Variants in PRDM1 observed in about 807,000 individuals in gnomAD.
PRDM1 encodes the protein PR/SET domain 1, also known as PR domain zinc finger protein 1.
PRDM1 carries 13 observed loss-of-function variants against 62.8 expected under a neutral mutation model. The observed-to-expected ratio is 0.21, with a 90% CI of 0.13 to 0.33. The LOEUF is 0.33. PRDM1 is among the 10% of genes least tolerant of loss of function. PRDM1 has a pLI of 1.00. For missense variants in PRDM1, 895 were observed against 1,058.8 expected (o/e 0.85, Z 2.15); for synonymous variants, 396 against 417.6 (o/e 0.95, Z 0.63).
At chr6:106,104,206 T>G (rs927234234) in intron 4 of PRDM1, among the ~76,000 whole-genome samples, 12 of 60,908 alleles carry the variant, frequency 2.0e-4, no homozygotes, top group African/African-American at 7.0e-4. Context: ...AAAATGGAAG[T>G]TTTTTTTTTT....
intron 1 of PRDM1, among the ~76,000 whole-genome samples, chr6:106,026,403 C>T (rs749819983): frequency 3.9e-5 from 6 of 152,004 alleles, no homozygotes; most frequent in Non-Finnish European, 5.9e-5. Flanking sequence ...CGCTTGAACC[C>T]GGGAGGCAGA....
chr6:106,005,581 C>A (rs760093553), intron 1 of PRDM1, among the ~76,000 whole-genome samples: 3 of 152,128 alleles, frequency 2.0e-5, no homozygotes, highest in Non-Finnish European at 2.9e-5. Flanking sequence ...ACTTTCAATT[C>A]GAAACTTTGG....
At position 106,099,650 on chromosome 6, in the gene PRDM1, T is replaced by C. The variant is rs1582472143; in HGVS notation, c.664+98T>C. The C allele has an allele frequency of 4.7e-6, 7 of 1,488,912 alleles. No individual in the cohort carries two copies. In the African/African-American group the frequency reaches 8.4e-5, roughly 18 times the overall value. The allele number at this position is 1,488,912 out of a possible 1,614,324, so 92.2% of individuals were successfully genotyped here. On this transcript the variant is annotated intron_variant, in intron 4 of 6. Transcript: ENST00000369096. ...GTTGTTTAATTATACGGCTTTGTCA[T>C]GTGTTGGATGAAGTAGGTGGCTTAA...
intron 1 of PRDM1, among the ~76,000 whole-genome samples, chr6:106,019,632 C>CTT (rs1772668843): frequency 7.0e-6 from 1 of 143,528 alleles, no homozygotes; most frequent in African/African-American, 2.5e-5. Context: ...TAATTTTTTT[C>CTT]TTTTCTTTTT....
chr6:106,040,684 A>G (rs1380845211), intron 1 of PRDM1, among the ~76,000 whole-genome samples: 1 of 152,062 alleles, frequency 6.6e-6, no homozygotes, highest in Admixed American at 6.6e-5. Context: ...TACAAGAATT[A>G]TTATTAATTT....
chr6:106,073,770 T>A (rs985298788), intron 1 of PRDM1, among the ~76,000 whole-genome samples: 2 of 152,218 alleles, frequency 1.3e-5, no homozygotes, highest in Non-Finnish European at 2.9e-5. Context: ...GGCTATAGTA[T>A]TGACACAAAT....
upstream of PRDM1, among the ~76,000 whole-genome samples, chr6:106,084,253 C>T (rs561082001): frequency 2.0e-4 from 31 of 152,078 alleles, 1 homozygote; most frequent in Non-Finnish European, 4.4e-4. Context: ...AAGTTCTACC[C>T]GTGGCCTTGT....
In PRDM1 at chr6:105,994,956, A is replaced by G. The variant is rs763845083; in HGVS notation, c.-67+1317A>G. On this transcript the variant is annotated intron_variant, in intron 1 of 6. Coordinates refer to the PRDM1 transcript ENST00000652320. This position sits in a 1 kb window ranked among gnomAD's most constrained non-coding sequence, Gnocchi z 4.1. ...TGAGTTTTTTGGCGGAGACAGAGGAAAGCCTCTGGTCGAGAGGATTAGAGC... is the reference window on the plus strand; with the variant it reads ...TGAGTTTTTTGGCGGAGACAGAGGAGAGCCTCTGGTCGAGAGGATTAGAGC... Among the ~76,000 whole-genome samples, 1 of 152,192 alleles carries G rather than the reference A, an allele frequency of 6.6e-6. No individual in the cohort carries two copies. The highest frequency in any genetic ancestry group is 1.5e-5 in the Non-Finnish European group (1 of 68,020).
intron 1 of PRDM1, among the ~76,000 whole-genome samples, chr6:106,021,305 A>G (rs1772693916): frequency 6.6e-6 from 1 of 152,092 alleles, no homozygotes; most frequent in African/African-American, 2.4e-5. Flanking sequence ...TCTTATTCCA[A>G]TTTCAGTAAA....
chr6:106,045,499 C>T (rs1256385708), upstream of PRDM1: 1 of 152,176 alleles, frequency 6.6e-6, no homozygotes, highest in Non-Finnish European at 1.5e-5. Flanking sequence ...AATTATAGCA[C>T]AGATGATCAA....
Position 106,003,305 on chromosome 6 carries a change from G to A in PRDM1, c.-67+9666G>A, listed in dbSNP as rs138101278. 1.5e-3 allele frequency among the ~76,000 whole-genome samples: 235 copies of A among 152,304 alleles called. 5 individuals are homozygous for A. The highest frequency in any genetic ancestry group is 5.4e-3 in the African/African-American group (226 of 41,562). On this transcript the variant is annotated intron_variant, in intron 1 of 6. Transcript: ENST00000652320. Reference sequence around the variant, plus strand: ...GGCAGGTCATCAGATACTGACTACTGTGTGTCATGCTTCATACATTCAGGA... The same window carrying A: ...GGCAGGTCATCAGATACTGACTACTATGTGTCATGCTTCATACATTCAGGA...
rs755699644 is a variant in PRDM1 at position 106,099,492 on chromosome 6, C to A, written c.604C>A (p.Arg202=). ...ANQELLVWYC[R]DFAERLHYPY... ...CCAGGAACTTCTTGTGTGGTATTGT[C>A]GGGACTTTGCAGAAAGGCTTCACTA... Residue 202 remains arginine, a synonymous_variant, in exon 4 of 7, where the codon CGG becomes AGG. Coordinates refer to ENST00000369096, the MANE Select transcript of PRDM1 (RefSeq NM_001198.4). 1 of 1,614,106 alleles carries A rather than the reference C, an allele frequency of 6.2e-7. No homozygotes were observed. Among genetic ancestry groups the A allele is most frequent in the Non-Finnish European group, 8.5e-7 (1 of 1,180,010 alleles).
chr6:106,106,549 G>T lies in PRDM1; in HGVS notation c.1902+50G>T. The T allele has an allele frequency of 6.2e-7, 1 of 1,609,390 alleles. No individual in the cohort carries two copies. On this transcript the variant is annotated intron_variant, in intron 6 of 6. Transcript: ENST00000369096. This position sits in a 1 kb window ranked among gnomAD's most constrained non-coding sequence, Gnocchi z 4.4. ...CTTCTGACCTTTGTAGAAAATGTCT[G>T]TGAGTCACCCTCCCATGTCCTATAT...
chr6:106,040,134 T>G (rs1159948390), intron 1 of PRDM1, among the ~76,000 whole-genome samples: 1 of 152,268 alleles, frequency 6.6e-6, no homozygotes, highest in Non-Finnish European at 1.5e-5. Context: ...CCCAGCTACA[T>G]GCACTGGTTA....
chr6:106,080,522 C>T (rs1011202829), intron 1 of PRDM1, among the ~76,000 whole-genome samples: 4 of 152,102 alleles, frequency 2.6e-5, no homozygotes, highest in Admixed American at 6.6e-5. Flanking sequence ...TGAAAAGATC[C>T]TGTAGGAAGT....
upstream of PRDM1, among the ~76,000 whole-genome samples, chr6:106,044,895 C>T (rs1773049975): frequency 6.6e-6 from 1 of 152,178 alleles, no homozygotes; most frequent in African/African-American, 2.4e-5. Flanking sequence ...GGAAAGTTCA[C>T]TTTCCCTTTA....
At chr6:106,040,869 A>G (rs1772985380) in intron 1 of PRDM1, among the ~76,000 whole-genome samples, 1 of 152,220 alleles carries the variant, frequency 6.6e-6, no homozygotes, top group African/African-American at 2.4e-5. Flanking sequence ...TGCATTTGTC[A>G]ATAAAAGGAT....
intron 1 of PRDM1, among the ~76,000 whole-genome samples, chr6:106,069,517 CA>C (rs962891553): frequency 1.3e-5 from 2 of 152,144 alleles, no homozygotes; most frequent in African/African-American, 4.8e-5. Context: ...GGAGAGAAAG[CA>C]AACTGGAATC....
chr6:105,998,290 G>A (rs1772373982), intron 1 of PRDM1, among the ~76,000 whole-genome samples: 1 of 152,092 alleles, frequency 6.6e-6, no homozygotes, highest in African/African-American at 2.4e-5. Flanking sequence ...AGTGGCACGT[G>A]TCTGTAGTCC....
Sources: gnomAD v4.1 joint callset for allele counts (sites outside exome capture counted in the v4.1 genomes callset) on GRCh38, gnomAD v4.1.1 for gene constraint, Gnocchi (gnomAD v3.1) non-coding constraint, MANE v1.5 for transcripts, NCBI Gene and HGNC (gene_info 2026-07-23, HGNC 2026-07-21) for gene names.